The following PLEKHA6 variants were observed in gnomAD, a reference collection of about 807,000 sequenced individuals.
PLEKHA6 encodes pleckstrin homology domain-containing family A member 6.
A neutral mutation model predicts 116.7 loss-of-function variants in PLEKHA6; 60 were observed. The observed-to-expected ratio is 0.51, with a 90% CI of 0.42 to 0.64. The LOEUF is 0.64. Among genes scored for constraint, PLEKHA6 ranks in the 30% least tolerant of loss-of-function variants. The probability of loss-of-function intolerance (pLI) is 0.00; values close to 1 mark genes in which losing one functional copy is unlikely to be tolerated. For synonymous variants in PLEKHA6, 489 were observed against 556.1 expected (o/e 0.88, Z 1.70); for missense variants, 1,338 against 1,422.7 (o/e 0.94, Z 0.96).
At chr1:204,349,367 C>T (rs547688494) in intron 1 of PLEKHA6, among the ~76,000 whole-genome samples, 3 of 152,148 alleles carry the variant, frequency 2.0e-5, no homozygotes, top group Non-Finnish European at 2.9e-5. Context: ...GGCGAAACCC[C>T]GTCTCTACTA....
chr1:204,350,709 G>A (rs1212062772), intron 1 of PLEKHA6, among the ~76,000 whole-genome samples: 1 of 152,198 alleles, frequency 6.6e-6, no homozygotes, highest in Non-Finnish European at 1.5e-5. Flanking sequence ...TGGGGGCGGG[G>A]GGAGGACCAG....
At chr1:204,342,514 C>G (rs76960700) in intron 1 of PLEKHA6, among the ~76,000 whole-genome samples, 8 of 152,218 alleles carry the variant, frequency 5.3e-5, no homozygotes, top group Non-Finnish European at 1.5e-5. Context: ...AAGGCTTCTC[C>G]GCTTTTAATG....
At chr1:204,248,634 C>T (rs1664110905) in intron 12 of PLEKHA6, among the ~76,000 whole-genome samples, 187 bp downstream of exon 12, 2 of 152,326 alleles carry the variant, frequency 1.3e-5, no homozygotes, top group Admixed American at 6.5e-5. Context: ...CTGGAATGAG[C>T]AGACTGGCTG....
At chr1:204,267,838 G>C (rs1214293972) in intron 4 of PLEKHA6, among the ~76,000 whole-genome samples, 2 of 152,162 alleles carry the variant, frequency 1.3e-5, no homozygotes, top group Non-Finnish European at 2.9e-5. Flanking sequence ...ATAGTGGCAA[G>C]GCCAATCTGG....
chr1:204,221,345 A>G lies in PLEKHA6; in HGVS notation c.*1443T>C, dbSNP rs966369500. The G allele has an allele frequency of 3.0e-4, 46 of 152,578 alleles. No individual in the cohort carries two copies. The highest frequency in any genetic ancestry group is 1.0e-3 in the African/African-American group (43 of 41,412). The allele number at this position is 152,578 out of a possible 1,614,324, so 9.5% of individuals were successfully genotyped here. A position where few individuals can be genotyped will look rare whatever the true frequency, so the allele number is the denominator to read the frequency against. ...GTCAGGCTGAAGCCTCTGAGCGGCA[A>G]CTCTAGCAGAGAGAAGGCCGAGGGG... On this transcript the variant is annotated 3_prime_UTR_variant, in exon 23 of 23. Coordinates refer to ENST00000272203, the MANE Select transcript of PLEKHA6 (RefSeq NM_014935.5).
Position 204,257,531 on chromosome 1 carries a change from A to G in PLEKHA6, c.1346T>C (p.Leu449Pro), listed in dbSNP as rs770583449. 8.8e-6 allele frequency: 14 copies of G among 1,595,012 alleles called. No homozygotes were observed. Among genetic ancestry groups the G allele is most frequent in the Non-Finnish European group, 1.2e-5 (14 of 1,169,556 alleles). The change falls in exon 9 of 23, where the codon CTG becomes CCG. Residue 449 changes from leucine to proline, a missense_variant. This residue lies in a region of PLEKHA6 where 1,136 missense variants were observed against 1,163.6 expected (regional missense o/e 0.98). Transcript: ENST00000272203. The surrounding 1 kb of genome is among the most constrained non-coding windows in gnomAD (Gnocchi z 6.5). Reference sequence around the variant, plus strand: ...GGGCACAGAGTGGGAGCGGGGCTGCAGGGACAGGCGGCGCAGGGAGCTAGA... The same window carrying G: ...GGGCACAGAGTGGGAGCGGGGCTGCGGGGACAGGCGGCGCAGGGAGCTAGA... ...AASSSLRRLS[L>P]QPRSHSVPRS...
intron 1 of PLEKHA6, among the ~76,000 whole-genome samples, chr1:204,281,902 G>A (rs1319665811): frequency 6.6e-6 from 1 of 152,058 alleles, no homozygotes; most frequent in East Asian, 1.9e-4. Context: ...CGCACCCCCA[G>A]CCCCATCCCA....
Position 204,245,690 on chromosome 1 carries a change from A to C in PLEKHA6, c.1957T>G (p.Trp653Gly), listed in dbSNP as rs953230150. 16 of 1,613,648 alleles carry C rather than the reference A, an allele frequency of 9.9e-6. No homozygotes were observed. Among genetic ancestry groups the C allele is most frequent in the Non-Finnish European group, 1.4e-5 (16 of 1,179,822 alleles). ...VLNRQIQKEIWRIQDVMEGLR... is the reference protein window; with the variant it reads ...VLNRQIQKEIGRIQDVMEGLR... ...CCCTCCATCACGTCCTGGATCCTCC[A>C]GATCTCCTTTTGGATTTGCCGGTTC... Residue 653 changes from tryptophan (W) to glycine (G), a missense_variant, in exon 14 of 23, where the codon TGG becomes GGG. Physicochemically the swap from Trp to Gly is radical, Grantham distance 184. This residue lies in a region of PLEKHA6 where 1,136 missense variants were observed against 1,163.6 expected (regional missense o/e 0.98). Transcript: ENST00000272203.
At chr1:204,279,187 C>T (rs1369317927) in intron 1 of PLEKHA6, among the ~76,000 whole-genome samples, 1 of 152,184 alleles carries the variant, frequency 6.6e-6, no homozygotes, top group Non-Finnish European at 1.5e-5. Context: ...CCTTTCACTT[C>T]AAGCTGAGCT....
At chr1:204,236,211 G>A (rs751497407) in intron 17 of PLEKHA6, among the ~76,000 whole-genome samples, 1 of 152,202 alleles carries the variant, frequency 6.6e-6, no homozygotes, top group Admixed American at 6.5e-5. Context: ...ATTTAATGTT[G>A]CAGCTCAGGG....
At chr1:204,233,721 C>G (rs953172297) in intron 17 of PLEKHA6, among the ~76,000 whole-genome samples, 8 of 152,058 alleles carry the variant, frequency 5.3e-5, no homozygotes, top group African/African-American at 1.7e-4. Context: ...AGTGCTGGGA[C>G]TACAGGCGTG....
chr1:204,371,145 A>G (rs1673767182), intron 2 of PLEKHA6, among the ~76,000 whole-genome samples: 1 of 151,748 alleles, frequency 6.6e-6, no homozygotes, highest in African/African-American at 2.4e-5. Flanking sequence ...TGGCAATTGT[A>G]TTGGGCAGAG....
At chr1:204,329,888 C>CAAAAAAAAAAAAAA (rs35574473) in intron 1 of PLEKHA6, among the ~76,000 whole-genome samples, 7 of 118,426 alleles carry the variant, frequency 5.9e-5, no homozygotes, top group African/African-American at 2.2e-4. Flanking sequence ...GACCCTGTCT[C>CAAAAAAAAAAAAAA]AAAAAAAAAA....
intron 9 of PLEKHA6, chr1:204,255,734 C>T (rs1319524803): frequency 1.4e-6 from 1 of 698,796 alleles, no homozygotes; most frequent in African/African-American, 1.8e-5. Context: ...AACAGGAACA[C>T]ACAAAAGAAA....
At chr1:204,339,759 A>G (rs1191829225) in intron 1 of PLEKHA6, among the ~76,000 whole-genome samples, 1 of 152,262 alleles carries the variant, frequency 6.6e-6, no homozygotes, top group Non-Finnish European at 1.5e-5. Flanking sequence ...GCAACATGAC[A>G]GAATTACTTA....
chr1:204,263,412 G>T lies in PLEKHA6; in HGVS notation c.381+1530C>A, dbSNP rs138264659. The stretch of plus-strand genomic sequence containing the variant: ...TCTTAGCCATCCAAGAGTTTCGCTC[G>T]GTGGCCACAACAGGACAAGCCTCCC... On this transcript the variant is annotated intron_variant, in intron 6 of 22. Coordinates refer to ENST00000272203, the MANE Select transcript of PLEKHA6 (RefSeq NM_014935.5). 1.0e-3 allele frequency among the ~76,000 whole-genome samples: 153 copies of T among 152,242 alleles called. No homozygotes were observed. In the East Asian group the frequency reaches 0.027, roughly 27 times the overall value.
intron 3 of PLEKHA6, among the ~76,000 whole-genome samples, chr1:204,271,178 C>A (rs1196735648): frequency 3.9e-5 from 6 of 152,138 alleles, no homozygotes; most frequent in Non-Finnish European, 7.3e-5. Flanking sequence ...TTATGTGTGG[C>A]CCAAGACAAT....
intron 1 of PLEKHA6, among the ~76,000 whole-genome samples, chr1:204,306,834 T>C (rs1284516124): frequency 6.6e-6 from 1 of 151,950 alleles, no homozygotes; most frequent in African/African-American, 2.4e-5. Context: ...TCCCCCACCA[T>C]CTAAAATTAA....
Position 204,330,205 on chromosome 1 carries a change from G to A in PLEKHA6, c.-95+29489C>T, listed in dbSNP as rs560962978. 3.3e-5 allele frequency among the ~76,000 whole-genome samples: 5 copies of A among 152,230 alleles called. No homozygotes were observed. The South Asian group carries it at 1.0e-3, about 32-fold the overall frequency. On this transcript the variant is annotated intron_variant, in intron 1 of 22. Coordinates refer to ENST00000272203, the MANE Select transcript of PLEKHA6 (RefSeq NM_014935.5). ...TGCAAGGTGGGGTTTTACCATGTTG[G>A]GCAGGCTGGTCTGAAACTCCTGACC...
Sources: allele counts gnomAD v4.1 joint callset (sites outside exome capture counted in the v4.1 genomes callset), GRCh38; gene constraint gnomAD v4.1.1; regional missense constraint gnomAD v4.1.1; non-coding constraint Gnocchi (gnomAD v3.1); transcripts MANE v1.5; gene names NCBI Gene and HGNC (gene_info 2026-07-23, HGNC 2026-07-21).